AGMO: variants seen among roughly 807,000 people sequenced by gnomAD.
AGMO encodes alkylglycerol monooxygenase, also known as glyceryl-ether monooxygenase.
AGMO carries 75 observed loss-of-function variants against 60.2 expected under a neutral mutation model. The observed-to-expected ratio is 1.25, with a 90% CI of 1.03 to 1.51. AGMO has a LOEUF of 1.51. Among genes scored for constraint, AGMO ranks in the 40% most tolerant of loss-of-function variants. The pLI is 0.00. For missense variants in AGMO, 763 were observed against 525.5 expected (o/e 1.45, Z -4.42); for synonymous variants, 261 against 177.1 (o/e 1.47, Z -3.76).
chr7:15,354,351 TATAG>T (rs1782384067), intron 12 of AGMO, among the ~76,000 whole-genome samples: 3 of 97,036 alleles, frequency 3.1e-5, no homozygotes, highest in African/African-American at 1.4e-4. Context: ...CACGCGTGTA[TATAG>T]ACGTGTGTAT....
In AGMO at chr7:15,380,291, T is replaced by C. The variant is rs1783624791; in HGVS notation, c.1074+5155A>G. Among the ~76,000 whole-genome samples, 5 of 152,062 alleles carry C rather than the reference T, an allele frequency of 3.3e-5. No homozygotes were observed. The South Asian group carries it at 1.0e-3, about 32-fold the overall frequency. On this transcript the variant is annotated intron_variant, in intron 10 of 12. Coordinates refer to ENST00000342526, the MANE Select transcript of AGMO (RefSeq NM_001004320.2). Reference sequence around the variant, plus strand: ...GGTGTCAACCCAAAAGCTTCTTAAGTTGATAAACAACTTCAGCAAAGTCTC... The same window carrying C: ...GGTGTCAACCCAAAAGCTTCTTAAGCTGATAAACAACTTCAGCAAAGTCTC...
chr7:15,416,223 G>C (rs1780764596), intron 5 of AGMO, among the ~76,000 whole-genome samples: 1 of 151,842 alleles, frequency 6.6e-6, no homozygotes, highest in African/African-American at 2.4e-5. Flanking sequence ...TAGTAGAAAT[G>C]AGGTTTCACC....
intron 12 of AGMO, among the ~76,000 whole-genome samples, chr7:15,354,301 TAC>T (rs1491272954): frequency 1.6e-4 from 15 of 92,442 alleles, no homozygotes; most frequent in Middle Eastern, 5.6e-3. Flanking sequence ...TAAATATATA[TAC>T]GTGTATACAC....
rs189081035 is a variant in AGMO, at chr7:15,465,829, A to G, written c.410-34721T>C. Among the ~76,000 whole-genome samples, 1,173 of 152,152 alleles carry G rather than the reference A, an allele frequency of 7.7e-3. 12 individuals carry two copies. Among genetic ancestry groups the G allele is most frequent in the Non-Finnish European group, 0.011 (753 of 67,994 alleles). ...AACCTGTTCCTACCAGTCAATAAGG[A>G]AAAGCATAACACAAAATTAATAGTT... is the stretch of plus-strand genomic sequence containing the variant. On this transcript the variant is annotated intron_variant, in intron 3 of 12. Transcript: ENST00000342526.
At chr7:15,430,917 A>AGTTTTT (rs1781217432) in intron 4 of AGMO, 88 bp downstream of exon 4, 1 of 405,234 alleles carries the variant, frequency 2.5e-6, no homozygotes, top group Non-Finnish European at 4.1e-6. Flanking sequence ...ACCTTCTATT[A>AGTTTTT]GTTTTTTTTT....
At position 15,318,853 on chromosome 7, in the gene AGMO, T is replaced by C. The variant is rs552690676; in HGVS notation, c.1263+46661A>G. Among the ~76,000 whole-genome samples, 9 of 152,292 alleles carry C rather than the reference T, an allele frequency of 5.9e-5. No homozygotes were observed. The East Asian group carries it at 1.7e-3, about 29-fold the overall frequency. On this transcript the variant is annotated intron_variant, in intron 12 of 12. Transcript: ENST00000342526. ...TTTGAAAACTCTAAAATCAGGCTTC[T>C]TGATGCTGTCCACAAAATCCTCTCT... is the stretch of plus-strand genomic sequence containing the variant.
At chr7:15,259,022 C>T (rs1237996869) in intron 12 of AGMO, among the ~76,000 whole-genome samples, 1 of 152,180 alleles carries the variant, frequency 6.6e-6, no homozygotes, top group Middle Eastern at 3.4e-3. Flanking sequence ...CCCAAAAGAT[C>T]ATCTCAGCTC....
chr7:15,430,522 T>G (rs1393789028), intron 4 of AGMO, among the ~76,000 whole-genome samples: 1 of 151,534 alleles, frequency 6.6e-6, no homozygotes, highest in Non-Finnish European at 1.5e-5. Flanking sequence ...GAGCCAAAAA[T>G]TTTTGGATCA....
At chr7:15,538,100 C>A (rs1467857770) in intron 3 of AGMO, among the ~76,000 whole-genome samples, 1 of 151,968 alleles carries the variant, frequency 6.6e-6, no homozygotes, top group African/African-American at 2.4e-5. Flanking sequence ...CGTAGAGGTG[C>A]TAAATAATCC....
chr7:15,370,584 T>A (rs1356700355), intron 10 of AGMO, among the ~76,000 whole-genome samples: 1 of 152,216 alleles, frequency 6.6e-6, no homozygotes. Flanking sequence ...ATAGCCATTC[T>A]TACTGGTGTG....
chr7:15,340,708 G>A (rs774789991), intron 12 of AGMO, among the ~76,000 whole-genome samples: 7 of 152,210 alleles, frequency 4.6e-5, no homozygotes, highest in Admixed American at 6.5e-5. Context: ...CCTCCACCTA[G>A]ATTTCAGAGG....
At chr7:15,523,830 T>A (rs1337927082) in intron 3 of AGMO, among the ~76,000 whole-genome samples, 2 of 152,008 alleles carry the variant, frequency 1.3e-5, no homozygotes, top group African/African-American at 4.8e-5. Flanking sequence ...AACTTAAGTA[T>A]AATAATAATA....
intron 12 of AGMO, among the ~76,000 whole-genome samples, chr7:15,237,934 G>T (rs1011193338): frequency 5.9e-5 from 9 of 152,132 alleles, no homozygotes; most frequent in African/African-American, 2.2e-4. Context: ...CGTACCTCAG[G>T]AAAGACAGGG....
intron 5 of AGMO, among the ~76,000 whole-genome samples, chr7:15,407,888 C>T (rs1291682611): frequency 6.6e-6 from 1 of 151,658 alleles, no homozygotes; most frequent in Non-Finnish European, 1.5e-5. Context: ...TAGATGCTTC[C>T]CATGTGCAGA....
Position 15,309,621 on chromosome 7 carries a change from A to G in AGMO, c.1263+55893T>C, listed in dbSNP as rs569130700. 2.6e-5 allele frequency among the ~76,000 whole-genome samples: 4 copies of G among 152,302 alleles called. No homozygotes were observed. In the South Asian group the frequency reaches 8.3e-4, roughly 32 times the overall value. On this transcript the variant is annotated intron_variant, in intron 12 of 12. Transcript: ENST00000342526. ...ACAGGTCCCTAATTATTAGTTTTCT[A>G]TATAATGTAGTAATATTGTAGGTGC...
intron 12 of AGMO, chr7:15,358,315 G>C: frequency 2.3e-6 from 1 of 428,874 alleles, no homozygotes; most frequent in Non-Finnish European, 4.8e-6. Flanking sequence ...TAAAATGGCT[G>C]AGGCAGCAAA....
intron 3 of AGMO, among the ~76,000 whole-genome samples, chr7:15,521,964 C>CA (rs1014007180): frequency 6.6e-6 from 1 of 152,088 alleles, no homozygotes; most frequent in African/African-American, 2.4e-5. Context: ...ATCTCAGCCC[C>CA]AAAATGCCTT....
At chr7:15,240,302 G>A (rs778721613) in intron 12 of AGMO, among the ~76,000 whole-genome samples, 3 of 152,064 alleles carry the variant, frequency 2.0e-5, no homozygotes, top group Admixed American at 6.6e-5. Context: ...ATATTAGAAC[G>A]TATACTAAAA....
At chr7:15,518,175 A>T (rs1226056912) in intron 3 of AGMO, among the ~76,000 whole-genome samples, 1 of 152,156 alleles carries the variant, frequency 6.6e-6, no homozygotes, top group East Asian at 1.9e-4. Context: ...TAAGGCACTT[A>T]CTACATAGAT....
Sources: allele counts gnomAD v4.1 joint callset (sites outside exome capture counted in the v4.1 genomes callset), GRCh38; gene constraint gnomAD v4.1.1; transcripts MANE v1.5; gene names NCBI Gene and HGNC (gene_info 2026-07-23, HGNC 2026-07-21).